TAFA1: variants seen among roughly 807,000 people sequenced by gnomAD.
The protein encoded by TAFA1 is TAFA chemokine like family member 1, also known as chemokine-like protein TAFA-1.
In TAFA1, 4 loss-of-function variants were observed where a neutral mutation model predicts 18.5. The ratio of observed to expected loss-of-function variants is 0.22; its 90% CI spans 0.11 to 0.49. The LOEUF (loss-of-function observed/expected upper bound fraction) is 0.49. Among genes scored for constraint, TAFA1 ranks in the 20% least tolerant of loss-of-function variants. The pLI, the probability that TAFA1 is intolerant of heterozygous loss-of-function variation, is 0.98. For missense variants in TAFA1, 147 were observed against 169.0 expected (o/e 0.87, Z 0.72); for synonymous variants, 56 against 55.2 (o/e 1.01, Z -0.06).
intron 2 of TAFA1, among the ~76,000 whole-genome samples, chr3:68,278,474 T>G (rs192616939): frequency 5.9e-5 from 9 of 152,276 alleles, no homozygotes; most frequent in Admixed American, 5.9e-4. Context: ...GGAGGCAGGT[T>G]GTTGTTCATC....
chr3:68,468,587 C>A (rs1019947323), intron 3 of TAFA1, among the ~76,000 whole-genome samples: 6 of 152,200 alleles, frequency 3.9e-5, no homozygotes, highest in Non-Finnish European at 7.3e-5. Flanking sequence ...ATCGGTCACA[C>A]TGACCACTTG....
chr3:68,428,170 G>T (rs1387350157), intron 3 of TAFA1, among the ~76,000 whole-genome samples: 5 of 151,886 alleles, frequency 3.3e-5, no homozygotes, highest in Non-Finnish European at 5.9e-5. Context: ...CCATACTGTT[G>T]AGAGCAGAGG....
At chr3:68,461,570 A>G (rs2106924219) in intron 3 of TAFA1, among the ~76,000 whole-genome samples, 1 of 151,310 alleles carries the variant, frequency 6.6e-6, no homozygotes, top group Non-Finnish European at 1.5e-5. Context: ...CCCTTGCCAT[A>G]TTTCTATGTT....
chr3:68,033,500 T>C (rs1410843433), intron 2 of TAFA1, among the ~76,000 whole-genome samples: 1 of 152,260 alleles, frequency 6.6e-6, no homozygotes, highest in Non-Finnish European at 1.5e-5. Flanking sequence ...CTTTGCATTA[T>C]GCTAGACATT....
chr3:68,464,666 T>G (rs1416337679), intron 3 of TAFA1, among the ~76,000 whole-genome samples: 2 of 152,116 alleles, frequency 1.3e-5, no homozygotes, highest in African/African-American at 4.8e-5. Context: ...ATGGCACATT[T>G]TTGGTGGGTT....
rs1245197214 is a variant in TAFA1, at chr3:68,301,549, A to G, written c.119-115731A>G. On this transcript the variant is annotated intron_variant, in intron 2 of 4. Transcript: ENST00000478136. ...GACAGTAAACTCTGGCAAGTTTACC[A>G]GATGGTGAGGAGTAAAGTGGCCCCC... 3.3e-5 allele frequency among the ~76,000 whole-genome samples: 5 copies of G among 152,310 alleles called. No homozygotes were observed. In the East Asian group the frequency reaches 7.7e-4, roughly 23 times the overall value.
chr3:68,030,328 G>GTA (rs1377077166), intron 2 of TAFA1, among the ~76,000 whole-genome samples: 11 of 151,648 alleles, frequency 7.3e-5, no homozygotes, highest in African/African-American at 1.5e-4. Flanking sequence ...TGTTACATAA[G>GTA]TATATATATA....
rs537143662 is a variant in TAFA1, at chr3:68,354,241, A to T, written c.119-63039A>T. Among the ~76,000 whole-genome samples the T allele has an allele frequency of 2.6e-5, 4 of 152,080 alleles. No homozygotes were observed. The South Asian group carries it at 8.3e-4, about 31-fold the overall frequency. On this transcript the variant is annotated intron_variant, in intron 2 of 4. Transcript: ENST00000478136. ...GATTTCTTTTAATGGAATTGTCAAC[A>T]TTCAAAAAGTGAAATATTTCACATA...
At chr3:68,507,454 T>A (rs1238741614) in intron 3 of TAFA1, among the ~76,000 whole-genome samples, 1 of 152,110 alleles carries the variant, frequency 6.6e-6, no homozygotes, top group African/African-American at 2.4e-5. Flanking sequence ...GGTTGTCAGA[T>A]CAGGGCAAAA....
At chr3:68,313,210 A>T (rs964045725) in intron 2 of TAFA1, among the ~76,000 whole-genome samples, 1 of 152,238 alleles carries the variant, frequency 6.6e-6, no homozygotes, top group Non-Finnish European at 1.5e-5. Context: ...TGCTTATAAC[A>T]TTAATGTTGC....
At chr3:68,025,741 C>T (rs981756133) in intron 2 of TAFA1, among the ~76,000 whole-genome samples, 5 of 152,138 alleles carry the variant, frequency 3.3e-5, no homozygotes, top group East Asian at 1.9e-4. Context: ...ACGTGATATA[C>T]GTTCTCCCTG....
intron 3 of TAFA1, among the ~76,000 whole-genome samples, chr3:68,513,571 G>C (rs566341201): frequency 2.2e-4 from 33 of 152,194 alleles, no homozygotes; most frequent in African/African-American, 7.5e-4. Flanking sequence ...TGTGGATGTA[G>C]ACCACTACCT....
At chr3:68,321,268 C>T (rs2068694183) in intron 2 of TAFA1, among the ~76,000 whole-genome samples, 1 of 152,124 alleles carries the variant, frequency 6.6e-6, no homozygotes, top group Non-Finnish European at 1.5e-5. Flanking sequence ...TATTATTACC[C>T]CTCTTGGTCA....
chr3:68,275,485 C>T (rs2067777159), intron 2 of TAFA1, among the ~76,000 whole-genome samples: 1 of 147,050 alleles, frequency 6.8e-6, no homozygotes, highest in Non-Finnish European at 1.5e-5. Flanking sequence ...CATCCAAGGC[C>T]TTGTAAGATT....
intron 2 of TAFA1, among the ~76,000 whole-genome samples, chr3:68,386,319 C>G (rs116067067): frequency 6.6e-6 from 1 of 152,130 alleles, no homozygotes; most frequent in Non-Finnish European, 1.5e-5. Flanking sequence ...AGTTCACAAT[C>G]GTAATCATAT....
At chr3:68,298,598 G>A (rs904623252) in intron 2 of TAFA1, among the ~76,000 whole-genome samples, 4 of 152,200 alleles carry the variant, frequency 2.6e-5, no homozygotes, top group Non-Finnish European at 4.4e-5. Flanking sequence ...GAGACCAGGT[G>A]GAGGTAATTG....
At chr3:68,403,449 C>T (rs867177965) in intron 2 of TAFA1, among the ~76,000 whole-genome samples, 16 of 152,316 alleles carry the variant, frequency 1.1e-4, no homozygotes, top group Middle Eastern at 3.4e-3. Context: ...TCTTCTGGAG[C>T]AGGCACCGTC....
intron 2 of TAFA1, among the ~76,000 whole-genome samples, chr3:68,292,426 A>AAC (rs1553669189): frequency 8.7e-5 from 13 of 150,276 alleles, no homozygotes; most frequent in Non-Finnish European, 1.0e-4. Context: ...AAAAAAAACA[A>AAC]AAAAAAAAAC....
intron 2 of TAFA1, among the ~76,000 whole-genome samples, chr3:68,383,939 T>G (rs2070034931): frequency 6.6e-6 from 1 of 152,172 alleles, no homozygotes; most frequent in Non-Finnish European, 1.5e-5. Context: ...TATTCATTTC[T>G]TCTAGATTTT....
Sources: gnomAD v4.1 joint callset for allele counts (sites outside exome capture counted in the v4.1 genomes callset) on GRCh38, gnomAD v4.1.1 for gene constraint, MANE v1.5 for transcripts, NCBI Gene and HGNC (gene_info 2026-07-23, HGNC 2026-07-21) for gene names.